Variants in ADGB observed in about 807,000 individuals in gnomAD.
ADGB encodes androglobin.
ADGB carries 172 observed loss-of-function variants against 210.5 expected under a neutral mutation model. That is an observed-to-expected ratio of 0.82 (90% CI 0.72 to 0.93). The LOEUF (loss-of-function observed/expected upper bound fraction) is 0.93. Among genes scored for constraint, ADGB ranks in the 40% least tolerant of loss-of-function variants. The probability of loss-of-function intolerance (pLI) is 0.00; values close to 1 mark genes in which losing one functional copy is unlikely to be tolerated. For missense variants in ADGB, 2,025 were observed against 1,964.8 expected, an observed-to-expected ratio of 1.03 and a Z score of -0.58; for synonymous variants, 658 against 662.7, an observed-to-expected ratio of 0.99 and a Z score of 0.11.
intron 13 of ADGB, among the ~76,000 whole-genome samples, chr6:146,713,759 C>G (rs576659327): frequency 4.6e-5 from 7 of 151,612 alleles, no homozygotes; most frequent in African/African-American, 1.5e-4. Context: ...TATTTTGATG[C>G]TCAACTTACC....
chr6:146,700,853 C>G, intron 12 of ADGB, 88 bp from the exon 13 acceptor site: 1 of 1,415,896 alleles, frequency 7.1e-7, no homozygotes, highest in Non-Finnish European at 9.4e-7. Flanking sequence ...TCAGAACTTT[C>G]TATTGTTGAC....
intron 8 of ADGB, 67 bp downstream of exon 8, chr6:146,672,534 T>G (rs1776024721): frequency 6.9e-7 from 1 of 1,450,722 alleles, no homozygotes; most frequent in South Asian, 1.5e-5. Flanking sequence ...ACAATTTTAT[T>G]TGATGTGTTG....
chr6:146,803,478 A>G, intron 35 of ADGB: 1 of 1,603,974 alleles, frequency 6.2e-7, no homozygotes, highest in South Asian at 1.1e-5. Context: ...TTGGAAAGGG[A>G]TGATGAACTT....
At chr6:146,714,165 A>G (rs905331079) in intron 13 of ADGB, among the ~76,000 whole-genome samples, 8 of 152,178 alleles carry the variant, frequency 5.3e-5, no homozygotes. Flanking sequence ...TTGTACATAT[A>G]TATTTAAGAA....
intron 27 of ADGB, among the ~76,000 whole-genome samples, chr6:146,760,068 A>G (rs1265043824): frequency 6.6e-6 from 1 of 151,236 alleles, no homozygotes; most frequent in East Asian, 1.9e-4. Flanking sequence ...ATTAATGACT[A>G]ATGGATGGAA....
At chr6:146,777,363 T>A in intron 29 of ADGB, among the ~76,000 whole-genome samples, 1 of 152,090 alleles carries the variant, frequency 6.6e-6, no homozygotes, top group African/African-American at 2.4e-5. Context: ...AAATAATAAA[T>A]AAATTATTTA....
At chr6:146,790,125 A>G (rs1401070743) in intron 33 of ADGB, among the ~76,000 whole-genome samples, 1 of 152,172 alleles carries the variant, frequency 6.6e-6, no homozygotes, top group Non-Finnish European at 1.5e-5. Flanking sequence ...TAGGTTATGG[A>G]ATGATCAAAT....
At chr6:146,672,727 C>CTT (rs58547170) in intron 8 of ADGB, among the ~76,000 whole-genome samples, 34,737 of 142,684 alleles carry the variant, frequency 0.24, 4,455 homozygotes, top group African/African-American at 0.32. Flanking sequence ...GTTTTTCTTT[C>CTT]TTTTTTTTTT....
chr6:146,693,651 G>A (rs1222097675), intron 12 of ADGB, among the ~76,000 whole-genome samples: 1 of 152,100 alleles, frequency 6.6e-6, no homozygotes, highest in Non-Finnish European at 1.5e-5. Flanking sequence ...CTTTCAAATA[G>A]GCTTTCTCAT....
intron 1 of ADGB, among the ~76,000 whole-genome samples, chr6:146,627,441 G>A (rs781062552): frequency 2.0e-5 from 3 of 152,090 alleles, no homozygotes; most frequent in Non-Finnish European, 4.4e-5. Flanking sequence ...CTTAGAAACA[G>A]TCTGATTCTT....
At chr6:146,762,189 G>A (rs761489705) in intron 27 of ADGB, among the ~76,000 whole-genome samples, 3 of 151,834 alleles carry the variant, frequency 2.0e-5, no homozygotes, top group African/African-American at 7.3e-5. Flanking sequence ...CCACAATATC[G>A]TACCATGAAT....
chr6:146,733,854 A>G, intron 21 of ADGB, 39 bp from the exon 22 acceptor site: 6 of 1,550,770 alleles, frequency 3.9e-6, no homozygotes, highest in African/African-American at 2.7e-5. Context: ...AAGGGATTAA[A>G]TATAACTTTC....
chr6:146,669,054 T>C (rs1044248842), intron 7 of ADGB, among the ~76,000 whole-genome samples: 2 of 152,126 alleles, frequency 1.3e-5, no homozygotes, highest in Admixed American at 1.3e-4. Context: ...AGATGGGAAA[T>C]ACAACCTAGA....
At chr6:146,752,795 A>C (rs1777343029) in intron 27 of ADGB, 81 bp downstream of exon 27, 1 of 1,283,644 alleles carries the variant, frequency 7.8e-7, no homozygotes, top group Admixed American at 3.1e-5. Context: ...AATGAAAATA[A>C]AGTAGCAAGT....
intron 1 of ADGB, among the ~76,000 whole-genome samples, chr6:146,602,220 T>C (rs1459391393): frequency 6.6e-6 from 1 of 152,202 alleles, no homozygotes; most frequent in Non-Finnish European, 1.5e-5. Context: ...ATTCTGACAT[T>C]TAGTTTTCAC....
chr6:146,711,389 C>A lies in ADGB; in HGVS notation c.1708-3993C>A, dbSNP rs376097982. Among the ~76,000 whole-genome samples, 5 of 152,088 alleles carry A rather than the reference C, an allele frequency of 3.3e-5. No individual in the cohort carries two copies. The South Asian group carries it at 1.0e-3, about 32-fold the overall frequency. On this transcript the variant is annotated intron_variant, in intron 13 of 35. Coordinates refer to ENST00000397944, the MANE Select transcript of ADGB (RefSeq NM_024694.4). ...TTTTTTTTAAACCACCCCATGCACT[C>A]CTTTGCTGTCTTGCTTCAGTGCAAA...
chr6:146,686,306 T>C (rs1015002537), intron 10 of ADGB, among the ~76,000 whole-genome samples: 3 of 152,098 alleles, frequency 2.0e-5, no homozygotes, highest in Non-Finnish European at 4.4e-5. Flanking sequence ...ATGCTAATTG[T>C]TTTCTTATAC....
At chr6:146,645,072 A>C (rs1775588056) in intron 3 of ADGB, among the ~76,000 whole-genome samples, 1 of 151,958 alleles carries the variant, frequency 6.6e-6, no homozygotes, top group Admixed American at 6.6e-5. Flanking sequence ...GAGATTATTG[A>C]ATTTTTGTTT....
intron 1 of ADGB, among the ~76,000 whole-genome samples, chr6:146,617,638 T>C (rs754061836): frequency 6.6e-6 from 1 of 151,918 alleles, no homozygotes; most frequent in Non-Finnish European, 1.5e-5. Context: ...TTATGTAGAG[T>C]TTTTATCATG....
Sources: allele counts gnomAD v4.1 joint callset (sites outside exome capture counted in the v4.1 genomes callset), GRCh38; gene constraint gnomAD v4.1.1; transcripts MANE v1.5; gene names NCBI Gene and HGNC (gene_info 2026-07-23, HGNC 2026-07-21).